The following UBR3 variants were observed in gnomAD, a reference collection of about 807,000 sequenced individuals.
The protein encoded by UBR3 is ubiquitin protein ligase E3 component n-recognin 3.
A neutral mutation model predicts 243.2 loss-of-function variants in UBR3; 85 were observed. The ratio of observed to expected loss-of-function variants is 0.35; its 90% CI spans 0.29 to 0.42. The LOEUF (loss-of-function observed/expected upper bound fraction) is 0.42, where lower values mean the gene tolerates loss of function less well. Among genes scored for constraint, UBR3 ranks in the 10% least tolerant of loss-of-function variants. UBR3 has a pLI of 1.00. For missense variants in UBR3, 1,686 were observed against 2,300.8 expected (o/e 0.73, Z 5.47); for synonymous variants, 748 against 799.8 (o/e 0.94, Z 1.09).
intron 35 of UBR3, among the ~76,000 whole-genome samples, chr2:170,065,906 G>T (rs1005965289): frequency 6.7e-6 from 1 of 150,318 alleles, no homozygotes; most frequent in African/African-American, 2.4e-5. Context: ...ATTTTGAGCC[G>T]TGGAAGTGAT....
chr2:169,964,307 A>C (rs997311443), intron 24 of UBR3: 1 of 421,368 alleles, frequency 2.4e-6, no homozygotes, highest in Non-Finnish European at 4.9e-6. Context: ...CACCCATGTC[A>C]GTATGTTTGC....
chr2:169,903,867 A>T (rs1292159154), intron 8 of UBR3, among the ~76,000 whole-genome samples: 1 of 152,124 alleles, frequency 6.6e-6, no homozygotes, highest in Non-Finnish European at 1.5e-5. Context: ...GAAAAAATAT[A>T]TATATACCTT....
chr2:169,979,686 A>G (rs1407879503), intron 24 of UBR3, among the ~76,000 whole-genome samples: 1 of 152,236 alleles, frequency 6.6e-6, no homozygotes, highest in African/African-American at 2.4e-5. Context: ...GTTATATGAC[A>G]TTCTGGAAAA....
intron 5 of UBR3, among the ~76,000 whole-genome samples, chr2:169,882,207 T>TATATGTATA (rs2083901377): frequency 1.0e-5 from 1 of 95,546 alleles, no homozygotes; most frequent in Non-Finnish European, 2.1e-5. Flanking sequence ...AATATACACA[T>TATATGTATA]TTATATATGT....
chr2:169,874,621 A>T (rs946896548), intron 2 of UBR3, among the ~76,000 whole-genome samples: 6 of 152,198 alleles, frequency 3.9e-5, no homozygotes, highest in Non-Finnish European at 4.4e-5. Context: ...AATAATCCTT[A>T]TATCTGTGTT....
At chr2:170,044,044 ACATTAATTTTC>A (rs2091027184) in intron 32 of UBR3, among the ~76,000 whole-genome samples, 1 of 152,160 alleles carries the variant, frequency 6.6e-6, no homozygotes, top group African/African-American at 2.4e-5. Flanking sequence ...GAGCTTAATT[ACATTAATTTTC>A]CACAGAGGTT....
chr2:169,835,915 A>G (rs1205953010), intron 1 of UBR3, among the ~76,000 whole-genome samples: 1 of 149,938 alleles, frequency 6.7e-6, no homozygotes, highest in Non-Finnish European at 1.5e-5. Context: ...CAAAAAACCA[A>G]AGAAAGGTCA....
chr2:170,006,323 G>T (rs779694329), intron 27 of UBR3, among the ~76,000 whole-genome samples: 2 of 152,150 alleles, frequency 1.3e-5, no homozygotes, highest in African/African-American at 2.4e-5. Context: ...TTATCACATA[G>T]TAGGAGCTTA....
At chr2:170,061,216 G>A in intron 34 of UBR3, 30 bp downstream of exon 34, 3 of 1,580,462 alleles carry the variant, frequency 1.9e-6, no homozygotes, top group Non-Finnish European at 2.6e-6. Flanking sequence ...AGATGTAGCG[G>A]TTATTTAGTA....
chr2:169,835,298 A>T (rs543847925), intron 1 of UBR3, among the ~76,000 whole-genome samples: 1 of 150,884 alleles, frequency 6.6e-6, no homozygotes. Context: ...AAGAGGCTGC[A>T]GTGGATTATG....
At chr2:169,891,519 T>C (rs1389054955) in intron 6 of UBR3, among the ~76,000 whole-genome samples, 1 of 152,060 alleles carries the variant, frequency 6.6e-6, no homozygotes, top group Non-Finnish European at 1.5e-5. Context: ...TTTGTGTGAA[T>C]TTGTAGTTTG....
intron 27 of UBR3, among the ~76,000 whole-genome samples, chr2:170,004,797 C>T (rs2089848556): frequency 6.6e-6 from 1 of 151,916 alleles, no homozygotes; most frequent in Non-Finnish European, 1.5e-5. Flanking sequence ...TGTAATCCCA[C>T]CTACTCGGGA....
intron 33 of UBR3, among the ~76,000 whole-genome samples, chr2:170,057,118 CTTTTTTT>C (rs34846378): frequency 1.5e-5 from 2 of 135,856 alleles, no homozygotes; most frequent in Admixed American, 7.1e-5. Flanking sequence ...TTAGTTTTTT[CTTTTTTT>C]TTTTTTTTTT....
intron 1 of UBR3, among the ~76,000 whole-genome samples, chr2:169,837,183 A>G (rs1047798311): frequency 6.6e-6 from 1 of 152,310 alleles, no homozygotes; most frequent in African/African-American, 2.4e-5. Context: ...GCACTGCTAT[A>G]AAGAACTGCC....
intron 20 of UBR3, among the ~76,000 whole-genome samples, chr2:169,945,421 G>C (rs1226024042): frequency 6.6e-6 from 1 of 152,088 alleles, no homozygotes; most frequent in Non-Finnish European, 1.5e-5. Context: ...TTTAATTGTG[G>C]TAGGTTAGGT....
At chr2:169,984,764 T>A (rs900955529) in intron 24 of UBR3, among the ~76,000 whole-genome samples, 1 of 152,114 alleles carries the variant, frequency 6.6e-6, no homozygotes, top group African/African-American at 2.4e-5. Context: ...TAAACCATGA[T>A]CCTAGTTTCT....
chr2:169,857,608 G>A lies in UBR3; in HGVS notation c.546-14628G>A, dbSNP rs200531152. On this transcript the variant is annotated intron_variant, in intron 1 of 38. Coordinates refer to ENST00000272793, the MANE Select transcript of UBR3 (RefSeq NM_172070.4). ...ATGTTTTTTTTTTTTTTTATTTTTA[G>A]TAGAGGTGGGGTTTCACCATGTTGG... 4.8e-4 allele frequency among the ~76,000 whole-genome samples: 72 copies of A among 149,652 alleles called. No individual in the cohort carries two copies. In the East Asian group the frequency reaches 0.013, roughly 27 times the overall value.
intron 1 of UBR3, among the ~76,000 whole-genome samples, chr2:169,868,780 A>G (rs1464903303): frequency 6.6e-6 from 1 of 152,242 alleles, no homozygotes; most frequent in East Asian, 1.9e-4. Flanking sequence ...TTATAATCAG[A>G]TTCCCTCGGA....
intron 1 of UBR3, among the ~76,000 whole-genome samples, chr2:169,831,161 A>T: frequency 2.4e-5 from 2 of 82,062 alleles, no homozygotes; most frequent in Non-Finnish European, 2.2e-5. Context: ...TTTTTGAGAG[A>T]GAGAGTTTTG....
Sources: allele counts gnomAD v4.1 joint callset (sites outside exome capture counted in the v4.1 genomes callset), GRCh38; gene constraint gnomAD v4.1.1; transcripts MANE v1.5; gene names NCBI Gene and HGNC (gene_info 2026-07-23, HGNC 2026-07-21).